The following SPOCK1 variants were observed in gnomAD, a reference collection of about 807,000 sequenced individuals.
SPOCK1 encodes SPARC (osteonectin), cwcv and kazal like domains proteoglycan 1, also known as testican-1.
SPOCK1 carries 23 observed loss-of-function variants against 55.3 expected under a neutral mutation model. That is an observed-to-expected ratio of 0.42 (90% CI 0.30 to 0.59). SPOCK1 has a LOEUF of 0.59. Ranked by LOEUF, SPOCK1 falls within the 20% of genes least tolerant of loss-of-function variation. SPOCK1 has a pLI of 0.22. For synonymous variants in SPOCK1, 226 were observed against 221.0 expected (o/e 1.02, Z -0.20); for missense variants, 499 against 552.5 (o/e 0.90, Z 0.97).
intron 2 of SPOCK1, among the ~76,000 whole-genome samples, chr5:137,297,060 T>C (rs1161537574): frequency 3.9e-5 from 6 of 152,368 alleles, no homozygotes; most frequent in African/African-American, 1.2e-4. Flanking sequence ...TATGTGTATA[T>C]GTATATAAAC....
intron 3 of SPOCK1, among the ~76,000 whole-genome samples, chr5:137,228,538 G>A (rs1236766473): frequency 2.6e-5 from 4 of 152,130 alleles, no homozygotes; most frequent in East Asian, 1.9e-4. Flanking sequence ...AGTTACTTGC[G>A]AGGCTGAGGC....
chr5:137,436,541 C>T (rs1304906246), intron 2 of SPOCK1, among the ~76,000 whole-genome samples: 2 of 152,104 alleles, frequency 1.3e-5, no homozygotes, highest in African/African-American at 4.8e-5. Flanking sequence ...AAATGTAAAT[C>T]TCCTCTATTA....
At chr5:137,335,432 A>G (rs185368949) in intron 2 of SPOCK1, among the ~76,000 whole-genome samples, 2 of 152,368 alleles carry the variant, frequency 1.3e-5, no homozygotes, top group Non-Finnish European at 2.9e-5. Context: ...TTTCTTCTCT[A>G]TACTTCCTGT....
chr5:137,082,889 C>T (rs570833273), intron 5 of SPOCK1, among the ~76,000 whole-genome samples: 2 of 152,214 alleles, frequency 1.3e-5, no homozygotes, highest in Non-Finnish European at 2.9e-5. Context: ...TAAGTTTCCA[C>T]TTGCATATTT....
intron 2 of SPOCK1, among the ~76,000 whole-genome samples, chr5:137,392,513 G>A (rs1751747577): frequency 6.6e-6 from 1 of 152,146 alleles, no homozygotes. Context: ...GTGATCTCTG[G>A]AGTTACAGTG....
At chr5:137,089,223 C>T (rs985316030) in intron 5 of SPOCK1, among the ~76,000 whole-genome samples, 1 of 152,166 alleles carries the variant, frequency 6.6e-6, no homozygotes, top group South Asian at 2.1e-4. Flanking sequence ...TTTGACACTG[C>T]CTGTGAATTA....
intron 6 of SPOCK1, among the ~76,000 whole-genome samples, chr5:137,001,656 C>G (rs1325868018): frequency 6.6e-6 from 1 of 152,188 alleles, no homozygotes; most frequent in Non-Finnish European, 1.5e-5. Flanking sequence ...CACGCAAGCC[C>G]TTGCTCTTCT....
intron 3 of SPOCK1, among the ~76,000 whole-genome samples, chr5:137,159,119 G>A (rs943888224): frequency 6.6e-6 from 1 of 152,162 alleles, no homozygotes; most frequent in Admixed American, 6.5e-5. Flanking sequence ...GCTACAAAGA[G>A]CCCACCCATA....
chr5:137,250,938 A>T (rs139391322), intron 3 of SPOCK1, among the ~76,000 whole-genome samples: 1 of 152,344 alleles, frequency 6.6e-6, no homozygotes, highest in African/African-American at 2.4e-5. Context: ...AGTCTGGGAC[A>T]TACCCTACAC....
chr5:137,098,376 A>G (rs1753194347), intron 5 of SPOCK1, among the ~76,000 whole-genome samples: 1 of 152,138 alleles, frequency 6.6e-6, no homozygotes, highest in Admixed American at 6.5e-5. Context: ...CTACATTTAC[A>G]TATGTGTCTT....
chr5:137,497,470 T>G (rs1051758245), intron 2 of SPOCK1, among the ~76,000 whole-genome samples: 6 of 152,070 alleles, frequency 3.9e-5, no homozygotes, highest in Non-Finnish European at 7.4e-5. Context: ...TACTCCCAAG[T>G]CCCCTAGAAG....
intron 3 of SPOCK1, among the ~76,000 whole-genome samples, chr5:137,158,091 C>T (rs1754453551): frequency 1.3e-5 from 2 of 152,154 alleles, no homozygotes; most frequent in South Asian, 4.1e-4. Context: ...TGCCACAAAA[C>T]TTTATGGGCA....
chr5:137,239,349 G>A (rs755335313), intron 3 of SPOCK1, among the ~76,000 whole-genome samples: 6 of 152,098 alleles, frequency 3.9e-5, no homozygotes, highest in South Asian at 2.1e-4. Context: ...CTCTTCATCC[G>A]GACTTTCATT....
chr5:137,198,185 A>T (rs1755340514), intron 3 of SPOCK1, among the ~76,000 whole-genome samples: 1 of 152,264 alleles, frequency 6.6e-6, no homozygotes, highest in South Asian at 2.1e-4. Flanking sequence ...CTATAAAAGT[A>T]TCAAAATTAA....
chr5:137,214,493 C>T (rs1282280872), intron 3 of SPOCK1, among the ~76,000 whole-genome samples: 1 of 152,242 alleles, frequency 6.6e-6, no homozygotes, highest in African/African-American at 2.4e-5. Context: ...ATCTGCTTCA[C>T]CAGTATTTCT....
chr5:137,142,856 C>T (rs540943600), intron 3 of SPOCK1, among the ~76,000 whole-genome samples: 1 of 152,332 alleles, frequency 6.6e-6, no homozygotes, highest in South Asian at 2.1e-4. Flanking sequence ...TGCACTGCCG[C>T]CCACGCCAAC....
intron 2 of SPOCK1, among the ~76,000 whole-genome samples, chr5:137,365,936 C>T (rs778953805): frequency 1.7e-4 from 26 of 152,162 alleles, no homozygotes; most frequent in Admixed American, 8.5e-4. Context: ...CAACGACGCA[C>T]AAAAGTACAG....
intron 5 of SPOCK1, among the ~76,000 whole-genome samples, chr5:137,109,624 T>C (rs1753430156): frequency 6.6e-6 from 1 of 152,146 alleles, no homozygotes; most frequent in Non-Finnish European, 1.5e-5. Flanking sequence ...TGGCTAAGTG[T>C]CCCTGCTTAG....
intron 2 of SPOCK1, among the ~76,000 whole-genome samples, chr5:137,331,995 T>A (rs1009557937): frequency 2.0e-5 from 3 of 152,110 alleles, no homozygotes; most frequent in Non-Finnish European, 4.4e-5. Context: ...CCAGATCACA[T>A]CGCTCCCCCA....
Sources: allele counts gnomAD v4.1 joint callset (sites outside exome capture counted in the v4.1 genomes callset), GRCh38; gene constraint gnomAD v4.1.1; transcripts MANE v1.5; gene names NCBI Gene and HGNC (gene_info 2026-07-23, HGNC 2026-07-21).